The following WWOX variants were observed in gnomAD, a reference collection of about 807,000 sequenced individuals.
WWOX encodes the protein WW domain containing oxidoreductase, also known as WW domain-containing oxidoreductase.
In WWOX, 69 loss-of-function variants were observed where a neutral mutation model predicts 46.2. The ratio of observed to expected loss-of-function variants is 1.49; its 90% CI spans 1.23 to 1.82. The LOEUF (loss-of-function observed/expected upper bound fraction) is 1.82. Ranked by LOEUF, WWOX falls within the 40% of genes most tolerant of loss-of-function variation. The pLI is 0.00. For synonymous variants in WWOX, 359 were observed against 202.6 expected (o/e 1.77, Z -6.56); for missense variants, 919 against 542.6 (o/e 1.69, Z -6.89).
intron 8 of WWOX, among the ~76,000 whole-genome samples, chr16:78,573,733 T>G (rs969011139): frequency 3.9e-5 from 6 of 152,198 alleles, no homozygotes; most frequent in Non-Finnish European, 8.8e-5. Context: ...TTTCATCAGG[T>G]TCACTTGCTT....
At chr16:78,411,158 C>G (rs2082671553) in intron 6 of WWOX, among the ~76,000 whole-genome samples, 1 of 152,150 alleles carries the variant, frequency 6.6e-6, no homozygotes, top group Admixed American at 6.5e-5. Context: ...CTAGGTCTCA[C>G]CCACCCTTGA....
intron 8 of WWOX, among the ~76,000 whole-genome samples, chr16:79,019,506 C>A (rs2047488649): frequency 6.6e-6 from 1 of 151,982 alleles, no homozygotes; most frequent in African/African-American, 2.4e-5. Flanking sequence ...TTGGGACAGC[C>A]ATCATATATG....
intron 8 of WWOX, among the ~76,000 whole-genome samples, chr16:78,778,566 C>T (rs935721304): frequency 6.6e-6 from 1 of 152,060 alleles, no homozygotes; most frequent in African/African-American, 2.4e-5. Context: ...AGAAGAGCGA[C>T]GCAATAGAAA....
At chr16:78,829,955 G>T (rs938377727) in intron 8 of WWOX, among the ~76,000 whole-genome samples, 1 of 152,066 alleles carries the variant, frequency 6.6e-6, no homozygotes, top group African/African-American at 2.4e-5. Flanking sequence ...GAGGTCTGGG[G>T]CTTGCTTTAA....
intron 8 of WWOX, among the ~76,000 whole-genome samples, chr16:78,547,147 A>AAAAC (rs2044057411): frequency 5.7e-5 from 8 of 139,398 alleles, no homozygotes; most frequent in Admixed American, 7.2e-5. Context: ...AAAAAAAAAA[A>AAAAC]AAAAAAAAAA....
intron 5 of WWOX, among the ~76,000 whole-genome samples, chr16:78,190,392 A>G (rs1862694): frequency 6.6e-6 from 1 of 152,072 alleles, no homozygotes; most frequent in Admixed American, 6.6e-5. Context: ...GAACTAATAA[A>G]TCCCGCTTTG....
chr16:78,150,115 T>G (rs1049776103), intron 4 of WWOX, among the ~76,000 whole-genome samples: 1 of 152,196 alleles, frequency 6.6e-6, no homozygotes, highest in Non-Finnish European at 1.5e-5. Context: ...TCTGACTCAC[T>G]GGCTACAAAT....
At chr16:78,913,732 G>T (rs974873578) in intron 8 of WWOX, among the ~76,000 whole-genome samples, 1 of 151,304 alleles carries the variant, frequency 6.6e-6, no homozygotes, top group Non-Finnish European at 1.5e-5. Flanking sequence ...TGCCATCATA[G>T]CTCACTGCAG....
intron 8 of WWOX, among the ~76,000 whole-genome samples, chr16:78,807,494 C>G (rs115459157): frequency 1.3e-5 from 2 of 152,152 alleles, no homozygotes; most frequent in African/African-American, 4.8e-5. Context: ...ATCAAGGGCC[C>G]GGGTTTATTT....
intron 8 of WWOX, among the ~76,000 whole-genome samples, chr16:78,805,877 C>G (rs1056109241): frequency 1.3e-5 from 2 of 152,090 alleles, no homozygotes; most frequent in Admixed American, 6.5e-5. Flanking sequence ...TTTTTTCTGC[C>G]TTGTTGGGTC....
rs534878917 is a variant in WWOX, at chr16:78,904,729, G to T, written c.1057-306879G>T. 4.6e-5 allele frequency among the ~76,000 whole-genome samples: 7 copies of T among 152,240 alleles called. No homozygotes were observed. The East Asian group carries it at 1.2e-3, about 25-fold the overall frequency. On this transcript the variant is annotated intron_variant, in intron 8 of 8. Transcript: ENST00000566780. Reference sequence around the variant, plus strand: ...CAATAGGCGTATGTCAAGATATCTGGTCACCCTATCTATGATCTGTCACAC... The same window carrying T: ...CAATAGGCGTATGTCAAGATATCTGTTCACCCTATCTATGATCTGTCACAC...
chr16:79,092,080 C>G (rs1055966598), intron 8 of WWOX, among the ~76,000 whole-genome samples: 1 of 152,074 alleles, frequency 6.6e-6, no homozygotes, highest in African/African-American at 2.4e-5. Flanking sequence ...CGCACCGGGC[C>G]TCACGTTTTT....
intron 8 of WWOX, among the ~76,000 whole-genome samples, chr16:78,555,559 C>T (rs1192637161): frequency 6.6e-6 from 1 of 150,378 alleles, no homozygotes; most frequent in South Asian, 2.1e-4. Context: ...CAGGCCAGTA[C>T]CACATTCCCC....
rs555768088 is a variant in WWOX at position 78,345,122 on chromosome 16, T to C, written c.517-41738T>C. Among the ~76,000 whole-genome samples, 7 of 118,434 alleles carry C rather than the reference T, an allele frequency of 5.9e-5. 3 individuals are homozygous for C. 77.7% of individuals were successfully genotyped at this position (118,434 alleles called of 152,430 possible). A position where few individuals can be genotyped will look rare whatever the true frequency, so the allele number is the denominator to read the frequency against. On this transcript the variant is annotated intron_variant, in intron 5 of 8. Transcript: ENST00000566780. ...TAAAGTTGACTATGGCTATTGGTGG[T>C]ACTAGTATGACTGTCAAGTCGATCA...
At chr16:78,611,430 T>C (rs1317737366) in intron 8 of WWOX, among the ~76,000 whole-genome samples, 1 of 152,204 alleles carries the variant, frequency 6.6e-6, no homozygotes, top group African/African-American at 2.4e-5. Context: ...GGGAATTCTT[T>C]GGTGCATTTT....
chr16:78,296,855 T>C (rs1412416471), intron 5 of WWOX, among the ~76,000 whole-genome samples: 2 of 152,228 alleles, frequency 1.3e-5, no homozygotes, highest in Non-Finnish European at 2.9e-5. Context: ...TCGGTTGTTG[T>C]ACATGGCAAC....
At chr16:78,979,059 C>T (rs949048218) in intron 8 of WWOX, among the ~76,000 whole-genome samples, 5 of 150,934 alleles carry the variant, frequency 3.3e-5, no homozygotes, top group Admixed American at 3.3e-4. Flanking sequence ...AGGTCTCCTT[C>T]GTCCTCCCTG....
intron 5 of WWOX, among the ~76,000 whole-genome samples, chr16:78,238,656 G>A (rs1159844656): frequency 6.7e-6 from 1 of 150,374 alleles, no homozygotes; most frequent in East Asian, 2.0e-4. Context: ...TTTCGCTCTT[G>A]TTGCCCAGGC....
chr16:79,034,867 T>G lies in WWOX; in HGVS notation c.1057-176741T>G, dbSNP rs991734759. On this transcript the variant is annotated intron_variant, in intron 8 of 8. Coordinates refer to ENST00000566780, the MANE Select transcript of WWOX (RefSeq NM_016373.4). ...ATTAGGCTAAGTATGGTCTTTTAAA[T>G]TATTACTTTAAAAATAAAAGATAAT... Among the ~76,000 whole-genome samples, 8 of 152,326 alleles carry G rather than the reference T, an allele frequency of 5.3e-5. No individual in the cohort carries two copies. The East Asian group carries it at 1.2e-3, about 22-fold the overall frequency.
Sources: gnomAD v4.1 joint callset for allele counts (sites outside exome capture counted in the v4.1 genomes callset) on GRCh38, gnomAD v4.1.1 for gene constraint, MANE v1.5 for transcripts, NCBI Gene and HGNC (gene_info 2026-07-23, HGNC 2026-07-21) for gene names.